GGA1: variants seen among roughly 807,000 people sequenced by gnomAD.
The protein encoded by GGA1 is golgi associated, gamma adaptin ear containing, ARF binding protein 1.
Under a neutral mutation model 76.9 loss-of-function variants are expected in GGA1, and 18 were observed. The ratio of observed to expected loss-of-function variants is 0.23; its 90% CI spans 0.16 to 0.35. The LOEUF (loss-of-function observed/expected upper bound fraction) is 0.35, where lower values mean the gene tolerates loss of function less well. Among genes scored for constraint, GGA1 ranks in the 10% least tolerant of loss-of-function variants. GGA1 has a pLI of 1.00. For missense variants in GGA1, 755 were observed against 859.0 expected (o/e 0.88, Z 1.51); for synonymous variants, 342 against 354.7 (o/e 0.96, Z 0.40).
At chr22:37,630,238 C>T (rs889963291) in intron 13 of GGA1, 68 bp downstream of exon 13, 1 of 1,221,668 alleles carries the variant, frequency 8.2e-7, no homozygotes, top group Non-Finnish European at 1.1e-6. Context: ...GCAACTTCTC[C>T]TGGGCTTGTC....
rs1928908091 is a variant in GGA1, at chr22:37,616,905, T to G, written c.129-17T>G. On this transcript the variant is annotated splice_polypyrimidine_tract_variant and intron_variant, in intron 2 of 16. Transcript: ENST00000343632. ...ACTCCGTGGCGACTCTGGCTCTGTG[T>G]TGTTCCTCCCACCCAGGCCTCCACT... is the stretch of plus-strand genomic sequence containing the variant. 6.3e-7 allele frequency: 1 copy of G among 1,595,034 alleles called. No homozygotes were observed. Among genetic ancestry groups the G allele is most frequent in the Non-Finnish European group, 8.5e-7 (1 of 1,171,674 alleles).
rs759453188 is a variant in GGA1 at position 37,630,002 on chromosome 22, C to T, written c.1163C>T (p.Ser388Leu). Residue 388 changes from serine to leucine, a missense_variant, in exon 13 of 17, where the codon TCG (serine) becomes TTG (leucine). Coordinates refer to ENST00000343632, the MANE Select transcript of GGA1 (RefSeq NM_013365.5). ...DGTGWNSFQS[S>L]DATEPPAPAL... The stretch of plus-strand genomic sequence containing the variant: ...CCTGCATCCTTTTCCCCACAGTCGT[C>T]GGATGCCACTGAGCCCCCAGCCCCT... 3.2e-6 allele frequency: 5 copies of T among 1,556,420 alleles called. No individual in the cohort carries two copies. Among genetic ancestry groups the T allele is most frequent in the African/African-American group, 2.8e-5 (2 of 72,420 alleles).
rs558234622 is a variant in GGA1 at position 37,623,187 on chromosome 22, G to A, written c.610-140G>A. On this transcript the variant is annotated intron_variant, in intron 7 of 16. Coordinates refer to ENST00000343632, the MANE Select transcript of GGA1 (RefSeq NM_013365.5). This position sits in a 1 kb window ranked among gnomAD's most constrained non-coding sequence, Gnocchi z 4.6. ...GCATGAGGGGCTCCTGGCAGGGCCT[G>A]CTGGAGCCCCACCCAGAGTGTGATC... 24 of 829,112 alleles carry A rather than the reference G, an allele frequency of 2.9e-5. No individual in the cohort carries two copies. In the African/African-American group the frequency reaches 3.2e-4, roughly 11 times the overall value. The allele number at this position is 829,112 out of a possible 1,614,324, so 51.4% of individuals were successfully genotyped here. A position where few individuals can be genotyped will look rare whatever the true frequency, so the allele number is the denominator to read the frequency against.
intron 2 of GGA1, 130 bp from the exon 3 acceptor site, chr22:37,616,792 G>C (rs1048306920): frequency 4.3e-6 from 5 of 1,160,680 alleles, no homozygotes; most frequent in Admixed American, 3.3e-5. Flanking sequence ...GCGGGCTGGG[G>C]TGGTGACCCT....
chr22:37,619,741 C>A, intron 4 of GGA1: 1 of 773,048 alleles, frequency 1.3e-6, no homozygotes, highest in South Asian at 1.4e-5. Context: ...TTGCTCAGAC[C>A]CATCCTTTGA....
chr22:37,628,040 C>T (rs1931155249), intron 11 of GGA1, among the ~76,000 whole-genome samples: 1 of 152,206 alleles, frequency 6.6e-6, no homozygotes, highest in Admixed American at 6.5e-5. Flanking sequence ...GTTGGCCAGG[C>T]CGGTATTGAA....
At chr22:37,616,381 A>G (rs1190061349) in intron 2 of GGA1, among the ~76,000 whole-genome samples, 1 of 152,160 alleles carries the variant, frequency 6.6e-6, no homozygotes, top group Admixed American at 6.5e-5. Context: ...AGGAAAGTGC[A>G]TGTGAGCCTC....
chr22:37,616,885 G>T, intron 2 of GGA1, 37 bp from the exon 3 acceptor site: 1 of 1,560,126 alleles, frequency 6.4e-7, no homozygotes. Flanking sequence ...CCGGGACTCC[G>T]TGGCGACTCT....
Position 37,629,443 on chromosome 22 carries a change from T to G in GGA1, c.1094-19T>G. 2.5e-6 allele frequency: 4 copies of G among 1,581,796 alleles called. No individual in the cohort carries two copies. Among genetic ancestry groups the G allele is most frequent in the Non-Finnish European group, 3.4e-6 (4 of 1,160,698 alleles). On this transcript the variant is annotated intron_variant, in intron 11 of 16. Coordinates refer to ENST00000343632, the MANE Select transcript of GGA1 (RefSeq NM_013365.5). ...AGGGTCAGCCCAGCTCCTTCACCTC[T>G]CTCCTGCTTTCCCCTCAGGCCTCAG...
chr22:37,623,599 G>A lies in GGA1; in HGVS notation c.798G>A (p.Leu266=), dbSNP rs1930282570. 2 of 1,600,468 alleles carry A rather than the reference G, an allele frequency of 1.2e-6. No individual in the cohort carries two copies. Among genetic ancestry groups the A allele is most frequent in the South Asian group, 2.2e-5 (2 of 89,730 alleles). ...CERMRPTLFR[L]ASDTEDNDEA... is the part of the protein sequence containing the mutation. The stretch of plus-strand genomic sequence containing the variant: ...GGATGCGGCCCACGCTCTTCCGACT[G>A]GCGAGTGACACAGAGGACAATGATG... The change falls in exon 9 of 17, where the codon CTG becomes CTA. Residue 266 remains leucine, a synonymous_variant. Coordinates refer to ENST00000343632, the MANE Select transcript of GGA1 (RefSeq NM_013365.5). The surrounding 1 kb of genome is among the most constrained non-coding windows in gnomAD (Gnocchi z 4.6).
intron 3 of GGA1, 23 bp downstream of exon 3, chr22:37,617,020 T>C: frequency 6.3e-7 from 1 of 1,583,530 alleles, no homozygotes; most frequent in Non-Finnish European, 8.6e-7. Context: ...GAGGCCACCA[T>C]CCGTCCCCCG....
Position 37,608,922 on chromosome 22 carries a change from CG to C in GGA1, c.43+20del. The C allele has an allele frequency of 7.6e-7, 1 of 1,321,186 alleles. No individual in the cohort carries two copies. Among genetic ancestry groups the C allele is most frequent in the East Asian group, 3.2e-5 (1 of 31,742 alleles). 81.8% of individuals were successfully genotyped at this position (1,321,186 alleles called of 1,614,324 possible). The stretch of plus-strand genomic sequence containing the variant: ...CGAATCAGTGAGTGTCCGGGAGGGG[CG>C]CGGGCCGGACCGGAACCGGAACCGG... On this transcript the variant is annotated intron_variant, in intron 1 of 16. Coordinates refer to ENST00000343632, the MANE Select transcript of GGA1 (RefSeq NM_013365.5).
In GGA1 at chr22:37,624,780, G is replaced by C. The variant is rs1266722692; in HGVS notation, c.833-189G>C. The C allele has an allele frequency of 1.4e-6, 1 of 707,472 alleles. No homozygotes were observed. The highest frequency in any genetic ancestry group is 1.8e-5 in the African/African-American group (1 of 55,990). 43.8% of individuals were successfully genotyped at this position (707,472 alleles called of 1,614,324 possible). A position where few individuals can be genotyped will look rare whatever the true frequency, so the allele number is the denominator to read the frequency against. ...AGGCAGTATGGCAGGGAGTGAATGAGGGAAGGGTGGGAGGTGAGACCAGGG... is the reference window on the plus strand; with the variant it reads ...AGGCAGTATGGCAGGGAGTGAATGACGGAAGGGTGGGAGGTGAGACCAGGG... On this transcript the variant is annotated intron_variant, in intron 9 of 16. Coordinates refer to ENST00000343632, the MANE Select transcript of GGA1 (RefSeq NM_013365.5). This position sits in a 1 kb window ranked among gnomAD's most constrained non-coding sequence, Gnocchi z 4.3.
chr22:37,617,418 C>G, intron 3 of GGA1: 1 of 1,064,046 alleles, frequency 9.4e-7, no homozygotes, highest in Non-Finnish European at 1.1e-6. Context: ...GGTTTTGCAT[C>G]TGTTCAATAG....
At chr22:37,629,405 C>A in intron 11 of GGA1, 57 bp from the exon 12 acceptor site, 1 of 1,265,510 alleles carries the variant, frequency 7.9e-7, no homozygotes, top group Non-Finnish European at 1.1e-6. Flanking sequence ...CCCCTCGGCT[C>A]TCTGGCCTCT....
rs756131910 is a variant in GGA1, at chr22:37,629,457, C to T, written c.1094-5C>T. On this transcript the variant is annotated splice_region_variant and splice_polypyrimidine_tract_variant and intron_variant, in intron 11 of 16. Transcript: ENST00000343632. ...TCCTTCACCTCTCTCCTGCTTTCCCCTCAGGCCTCAGTGACCCCACACCCC... is the reference window on the plus strand; with the variant it reads ...TCCTTCACCTCTCTCCTGCTTTCCCTTCAGGCCTCAGTGACCCCACACCCC... The T allele has an allele frequency of 7.5e-6, 12 of 1,590,890 alleles. No individual in the cohort carries two copies. In the Middle Eastern group the frequency reaches 5.0e-4, roughly 66 times the overall value.
chr22:37,618,836 C>G (rs1929302389), intron 4 of GGA1, among the ~76,000 whole-genome samples: 1 of 152,192 alleles, frequency 6.6e-6, no homozygotes, highest in South Asian at 2.1e-4. Flanking sequence ...AATACATAAG[C>G]TGACAGATGG....
At chr22:37,616,373 GA>G (rs1928796075) in intron 2 of GGA1, among the ~76,000 whole-genome samples, 1 of 152,182 alleles carries the variant, frequency 6.6e-6, no homozygotes, top group African/African-American at 2.4e-5. Flanking sequence ...GCTTAGGCAG[GA>G]AAGTGCATGT....
At chr22:37,620,982 G>T (rs995153274) in intron 6 of GGA1, 69 bp downstream of exon 6, 1 of 904,210 alleles carries the variant, frequency 1.1e-6, no homozygotes, top group Non-Finnish European at 1.9e-6. Flanking sequence ...CTGACCTCTA[G>T]CTGCCCTGGC....
Sources: allele counts gnomAD v4.1 joint callset (sites outside exome capture counted in the v4.1 genomes callset), GRCh38; gene constraint gnomAD v4.1.1; non-coding constraint Gnocchi (gnomAD v3.1); transcripts MANE v1.5; gene names NCBI Gene and HGNC (gene_info 2026-07-23, HGNC 2026-07-21).